Variants in ZNF480 observed in about 807,000 individuals in gnomAD.
The protein encoded by ZNF480 is zinc finger protein 480.
A neutral mutation model predicts 14.4 loss-of-function variants in ZNF480; 15 were observed. The ratio of observed to expected loss-of-function variants is 1.04; its 90% confidence interval spans 0.70 to 1.60. The LOEUF (loss-of-function observed/expected upper bound fraction) is 1.60. Among genes scored for constraint, ZNF480 ranks in the 40% most tolerant of loss-of-function variants. The pLI, the probability that ZNF480 is intolerant of heterozygous loss-of-function variation, is 0.00. For synonymous variants in ZNF480, 218 were observed against 215.5 expected, an observed-to-expected ratio of 1.01 and a Z score of -0.10; for missense variants, 593 against 629.7, an observed-to-expected ratio of 0.94 and a Z score of 0.62.
intron 4 of ZNF480, among the ~76,000 whole-genome samples, chr19:52,320,175 C>T (rs1568636020): frequency 6.6e-6 from 1 of 152,064 alleles, no homozygotes; most frequent in Admixed American, 6.6e-5. Context: ...GTGCTCTATC[C>T]ATCTGCTGTT....
intron 2 of ZNF480, among the ~76,000 whole-genome samples, chr19:52,312,827 CTT>C (rs36105783): frequency 2.7e-5 from 4 of 149,572 alleles, no homozygotes; most frequent in Non-Finnish European, 3.0e-5. Flanking sequence ...TTTTATAATT[CTT>C]TTTTTTTTTG....
intron 2 of ZNF480, among the ~76,000 whole-genome samples, chr19:52,312,224 A>G (rs1431373430): frequency 6.6e-6 from 1 of 151,192 alleles, no homozygotes; most frequent in African/African-American, 2.4e-5. Flanking sequence ...GGCTCACTGC[A>G]ATCTCGGCTC....
chr19:52,322,680 A>G lies in ZNF480; in HGVS notation c.1430A>G (p.His477Arg), dbSNP rs773084597. The G allele has an allele frequency of 3.1e-6, 5 of 1,613,958 alleles. No homozygotes were observed. The highest frequency in any genetic ancestry group is 3.3e-5 in the Admixed American group (2 of 60,000). The change falls in exon 5 of 5, where the codon CAT (histidine) becomes CGT (arginine). Residue 477 changes from histidine (H) to arginine (R), a missense_variant. Physicochemically the swap from His to Arg is conservative, Grantham distance 29. Coordinates refer to ENST00000595962, the MANE Select transcript of ZNF480 (RefSeq NM_144684.4). ...TCACTAACCAATCATCAGAGAATCC[A>G]TACTGGAGAAAGACCTTACAAATGT... ...KLSLTNHQRI[H>R]TGERPYKCNE...
chr19:52,308,218 C>G (rs73579038), intron 2 of ZNF480, among the ~76,000 whole-genome samples: 2,096 of 151,452 alleles, frequency 0.014, 46 homozygotes, highest in African/African-American at 0.048. Context: ...AGAAGCTGCA[C>G]GTGGAAGTCA....
At chr19:52,316,493 G>A (rs1366524397) in intron 4 of ZNF480, among the ~76,000 whole-genome samples, 1 of 152,036 alleles carries the variant, frequency 6.6e-6, no homozygotes, top group South Asian at 2.1e-4. Flanking sequence ...GCCTCCCAAA[G>A]TGCTAGAATT....
intron 2 of ZNF480, among the ~76,000 whole-genome samples, chr19:52,313,445 CTT>C (rs766111185): frequency 2.8e-5 from 4 of 144,540 alleles, no homozygotes; most frequent in Admixed American, 7.0e-5. Flanking sequence ...GCCTATAATT[CTT>C]TTTTTTTTTT....
In ZNF480 at chr19:52,322,746, C is replaced by A. The variant is rs754372352; in HGVS notation, c.1496C>A (p.Ala499Glu). The change falls in exon 5 of 5, where the codon GCA becomes GAA. Residue 499 changes from alanine to glutamate, a missense_variant. By Grantham distance (107) the Ala-to-Glu change is moderately radical (BLOSUM62 -1). Coordinates refer to ENST00000595962, the MANE Select transcript of ZNF480 (RefSeq NM_144684.4). ...GKVFNRIAHL[A>E]RHRKIHTGEK... ...GTCTTCAATCGAATTGCACACCTTG[C>A]ACGACATCGGAAAATTCATACTGGA... The A allele has an allele frequency of 3.1e-6, 5 of 1,613,210 alleles. No individual in the cohort carries two copies. Among genetic ancestry groups the A allele is most frequent in the Admixed American group, 1.7e-5 (1 of 59,874 alleles).
intron 1 of ZNF480, among the ~76,000 whole-genome samples, 198 bp from the exon 2 acceptor site, chr19:52,300,196 G>A (rs1221385250): frequency 6.6e-6 from 1 of 152,212 alleles, no homozygotes; most frequent in East Asian, 1.9e-4. Flanking sequence ...CTCTAGGAGG[G>A]GAGCAGGTTC....
At chr19:52,320,441 C>G (rs558433257) in intron 4 of ZNF480, among the ~76,000 whole-genome samples, 1 of 152,192 alleles carries the variant, frequency 6.6e-6, no homozygotes, top group South Asian at 2.1e-4. Context: ...TCACTTGAGC[C>G]AAGGAGTTCG....
intron 4 of ZNF480, among the ~76,000 whole-genome samples, chr19:52,319,909 C>T (rs1198513735): frequency 6.6e-6 from 1 of 151,260 alleles, no homozygotes; most frequent in Non-Finnish European, 1.5e-5. Context: ...TCTCTGCCTC[C>T]CAGGTTCAAG....
intron 2 of ZNF480, 69 bp from the exon 3 acceptor site, chr19:52,314,084 C>T (rs1983424789): frequency 6.8e-7 from 1 of 1,461,366 alleles, no homozygotes; most frequent in Middle Eastern, 1.9e-4. Context: ...TTTACAACTC[C>T]CTTCTCATTT....
intron 4 of ZNF480, among the ~76,000 whole-genome samples, chr19:52,321,162 A>T (rs1489179539): frequency 6.6e-6 from 1 of 151,692 alleles, no homozygotes; most frequent in Non-Finnish European, 1.5e-5. Context: ...TCAGAGGGAG[A>T]TCTTTTCTAA....
At position 52,324,443 on chromosome 19, in the gene ZNF480, A is replaced by G. The variant is rs1243106242; in HGVS notation, c.*1585A>G. 6.6e-6 allele frequency: 1 copy of G among 152,224 alleles called. No homozygotes were observed. The highest frequency in any genetic ancestry group is 1.5e-5 in the Non-Finnish European group (1 of 68,044). The allele number at this position is 152,224 out of a possible 1,614,324, so 9.4% of individuals were successfully genotyped here. ...CAGAATCAGAAGAAAACATTCTGAA[A>G]TTTATTTGGAACCAGAAAAGCCCAA... On this transcript the variant is annotated 3_prime_UTR_variant, in exon 5 of 5. Transcript: ENST00000595962.
rs757669307 is a variant in ZNF480, at chr19:52,322,589, G to A, written c.1339G>A (p.Val447Ile). The A allele has an allele frequency of 1.2e-6, 2 of 1,612,948 alleles. No individual in the cohort carries two copies. Among genetic ancestry groups the A allele is most frequent in the Admixed American group, 3.3e-5 (2 of 59,850 alleles). ...SEYSGLSAHL[V>I]IHTGEKPYKC... ...GTATTCAGGCCTTTCAGCCCATCTT[G>A]TAATCCACACTGGAGAGAAGCCTTA... is the stretch of plus-strand genomic sequence containing the variant. Residue 447 changes from valine to isoleucine, a missense_variant, in exon 5 of 5, where the codon GTA becomes ATA. Physicochemically the swap from Val to Ile is conservative, Grantham distance 29. Coordinates refer to ENST00000595962, the MANE Select transcript of ZNF480 (RefSeq NM_144684.4).
intron 3 of ZNF480, among the ~76,000 whole-genome samples, 157 bp downstream of exon 3, chr19:52,314,436 G>A (rs1038974534): frequency 7.3e-5 from 9 of 122,914 alleles, no homozygotes; most frequent in African/African-American, 1.3e-4. Flanking sequence ...CCGAGATCAC[G>A]TCATTGCCAG....
At chr19:52,298,648 A>AG (rs1489598283) in intron 1 of ZNF480, among the ~76,000 whole-genome samples, 1 of 151,986 alleles carries the variant, frequency 6.6e-6, no homozygotes, top group Non-Finnish European at 1.5e-5. Context: ...AAAAAAAAAA[A>AG]AGAGACAAAT....
chr19:52,317,799 G>A (rs147923019), intron 4 of ZNF480, among the ~76,000 whole-genome samples: 332 of 152,280 alleles, frequency 2.2e-3, no homozygotes, highest in African/African-American at 6.5e-3. Flanking sequence ...TCCACCAACA[G>A]TGGCACAAAA....
At chr19:52,304,918 G>A (rs1214219428) in intron 2 of ZNF480, among the ~76,000 whole-genome samples, 1 of 151,972 alleles carries the variant, frequency 6.6e-6, no homozygotes, top group African/African-American at 2.4e-5. Context: ...CCAACATGGT[G>A]AAACCCCGTC....
chr19:52,300,956 G>A (rs879486772), intron 2 of ZNF480: 3 of 176,172 alleles, frequency 1.7e-5, no homozygotes, highest in East Asian at 1.5e-4. Flanking sequence ...TTTCCACTCC[G>A]GGCAGGCCAG....
Sources: allele counts gnomAD v4.1 joint callset (sites outside exome capture counted in the v4.1 genomes callset), GRCh38; gene constraint gnomAD v4.1.1; transcripts MANE v1.5; gene names NCBI Gene and HGNC (gene_info 2026-07-23, HGNC 2026-07-21).